Variants in COLEC12 observed in about 807,000 individuals in gnomAD.
COLEC12 encodes collectin subfamily member 12.
Under a neutral mutation model 71.1 loss-of-function variants are expected in COLEC12, and 33 were observed. The ratio of observed to expected loss-of-function variants is 0.46; its 90% CI spans 0.35 to 0.62. The LOEUF (loss-of-function observed/expected upper bound fraction) is 0.62, where lower values mean the gene tolerates loss of function less well. COLEC12 is among the 20% of genes least tolerant of loss of function. COLEC12 has a pLI of 0.00. For missense variants in COLEC12, 765 were observed against 916.1 expected, an observed-to-expected ratio of 0.84 and a Z score of 2.13; for synonymous variants, 350 against 353.0, an observed-to-expected ratio of 0.99 and a Z score of 0.10.
chr18:371,473 G>T (rs1217631118), intron 2 of COLEC12, among the ~76,000 whole-genome samples: 1 of 151,900 alleles, frequency 6.6e-6, no homozygotes, highest in Admixed American at 6.6e-5. Flanking sequence ...TCCAAGTGGA[G>T]CTGGAAAAGC....
chr18:352,390 T>C (rs1318222676), intron 3 of COLEC12, among the ~76,000 whole-genome samples: 3 of 152,200 alleles, frequency 2.0e-5, no homozygotes, highest in African/African-American at 7.2e-5. Flanking sequence ...TGACAGTCAG[T>C]CATTTTCTAC....
intron 2 of COLEC12, among the ~76,000 whole-genome samples, chr18:470,627 C>T (rs953721380): frequency 4.6e-5 from 7 of 151,890 alleles, no homozygotes; most frequent in Admixed American, 3.9e-4. Flanking sequence ...TGGTGATATA[C>T]GCCTGTATTC....
At position 346,917 on chromosome 18, in the gene COLEC12, C is replaced by T; in HGVS notation, c.705G>A (p.Gln235=). 6.2e-7 allele frequency: 1 copy of T among 1,614,174 alleles called. No individual in the cohort carries two copies. The highest frequency in any genetic ancestry group is 8.5e-7 in the Non-Finnish European group (1 of 1,180,006). ...GATTTTGAAAGTCGTTCTTGATTCG[C>T]TGGATAGCCTGGCTTGTGTCATCCA... The part of the protein sequence containing the change: ...RSVDDTSQAI[Q]RIKNDFQNLQ... The change falls in exon 5 of 10, where the codon CAG becomes CAA. Residue 235 remains glutamine, a synonymous_variant. Coordinates refer to ENST00000400256, the MANE Select transcript of COLEC12 (RefSeq NM_130386.3). This position sits in a 1 kb window ranked among gnomAD's most constrained non-coding sequence, Gnocchi z 4.0.
chr18:367,188 T>A (rs1406719436), intron 2 of COLEC12, among the ~76,000 whole-genome samples: 2 of 152,180 alleles, frequency 1.3e-5, no homozygotes, highest in Non-Finnish European at 2.9e-5. Flanking sequence ...TGGGGGCAGC[T>A]GAAGGACTAA....
chr18:347,744 A>G (rs2143476215), intron 4 of COLEC12, among the ~76,000 whole-genome samples: 1 of 152,360 alleles, frequency 6.6e-6, no homozygotes, highest in East Asian at 1.9e-4. Context: ...TGTAGTTTAA[A>G]GTATTTCAAA....
chr18:474,341 T>C (rs1313472178), intron 2 of COLEC12, among the ~76,000 whole-genome samples: 2 of 152,218 alleles, frequency 1.3e-5, no homozygotes, highest in African/African-American at 2.4e-5. Flanking sequence ...ATAATAGATA[T>C]CCACGAAGGA....
At chr18:322,162 G>T (rs1913721677) in intron 8 of COLEC12, among the ~76,000 whole-genome samples, 2 of 149,398 alleles carry the variant, frequency 1.3e-5, no homozygotes, top group South Asian at 2.2e-4. Flanking sequence ...GTATATATGT[G>T]TGTGAATATC....
intron 1 of COLEC12, among the ~76,000 whole-genome samples, chr18:493,033 T>A (rs964033326): frequency 6.6e-6 from 1 of 152,094 alleles, no homozygotes; most frequent in African/African-American, 2.4e-5. Flanking sequence ...CAAAACCCTG[T>A]CTCTACAAAA....
chr18:460,167 G>A (rs1916953019), intron 2 of COLEC12, among the ~76,000 whole-genome samples: 1 of 152,166 alleles, frequency 6.6e-6, no homozygotes, highest in South Asian at 2.1e-4. Flanking sequence ...TCAAACATAC[G>A]TGGAGTCCCC....
intron 2 of COLEC12, among the ~76,000 whole-genome samples, chr18:383,956 A>C (rs1052508585): frequency 5.3e-5 from 8 of 152,198 alleles, no homozygotes; most frequent in Non-Finnish European, 2.9e-5. Flanking sequence ...TCCCCTTATA[A>C]AACCATCAGA....
rs187883997 is a variant in COLEC12 at position 360,555 on chromosome 18, G to T, written c.59-3033C>A. On this transcript the variant is annotated intron_variant, in intron 2 of 9. Coordinates refer to ENST00000400256, the MANE Select transcript of COLEC12 (RefSeq NM_130386.3). ...TGCTGATGCTGATGCTGATGCTGCG[G>T]TCTGTGGACCACACTCAGGAACAAT... 9.8e-4 allele frequency among the ~76,000 whole-genome samples: 149 copies of T among 152,312 alleles called. 1 individual carries two copies. Among genetic ancestry groups the T allele is most frequent in the Middle Eastern group, 3.4e-3 (1 of 294 alleles).
intron 5 of COLEC12, among the ~76,000 whole-genome samples, chr18:336,450 C>A (rs1024344850): frequency 3.3e-5 from 5 of 152,094 alleles, no homozygotes; most frequent in Admixed American, 2.6e-4. Context: ...ACAAAGAGGC[C>A]CATGTAACAC....
rs150878145 is a variant in COLEC12 at position 480,532 on chromosome 18, G to A, written c.58+175C>T. 1.6e-3 allele frequency among the ~76,000 whole-genome samples: 247 copies of A among 152,166 alleles called. 1 individual carries two copies. The highest frequency in any genetic ancestry group is 5.8e-3 in the African/African-American group (240 of 41,504). On this transcript the variant is annotated intron_variant, in intron 2 of 9. Coordinates refer to ENST00000400256, the MANE Select transcript of COLEC12 (RefSeq NM_130386.3). The surrounding 1 kb of genome is among the most constrained non-coding windows in gnomAD (Gnocchi z 4.1). ...CTGTCCCATGGCCCCTCAGAATTGT[G>A]AGAAACCCTCCCCCTGGGACACAGA...
At chr18:424,748 T>C (rs1230392515) in intron 2 of COLEC12, among the ~76,000 whole-genome samples, 1 of 152,212 alleles carries the variant, frequency 6.6e-6, no homozygotes, top group Non-Finnish European at 1.5e-5. Flanking sequence ...GTCAATGTAC[T>C]GGCTCAACAA....
intron 6 of COLEC12, 49 bp downstream of exon 6, chr18:334,693 G>A (rs1409083205): frequency 4.2e-6 from 6 of 1,428,718 alleles, no homozygotes; most frequent in Non-Finnish European, 5.5e-6. Context: ...TCAGTCTCAA[G>A]CACATGCACT....
At chr18:369,385 C>CTTTTTT (rs55923005) in intron 2 of COLEC12, among the ~76,000 whole-genome samples, 3 of 136,182 alleles carry the variant, frequency 2.2e-5, no homozygotes, top group Non-Finnish European at 4.8e-5. Flanking sequence ...TGATACAGAT[C>CTTTTTT]TTTTTTTTTT....
At chr18:466,251 A>C (rs1470426338) in intron 2 of COLEC12, among the ~76,000 whole-genome samples, 2 of 152,058 alleles carry the variant, frequency 1.3e-5, no homozygotes, top group East Asian at 3.9e-4. Context: ...AAAAACAAAA[A>C]ACAAATAAAA....
In COLEC12 at chr18:500,402, C is replaced by A. The variant is rs986951139; in HGVS notation, c.7+106G>T. 2 of 811,848 alleles carry A rather than the reference C, an allele frequency of 2.5e-6. No individual in the cohort carries two copies. Among genetic ancestry groups the A allele is most frequent in the South Asian group, 6.0e-5 (1 of 16,680 alleles). The allele number at this position is 811,848 out of a possible 1,614,324, so 50.3% of individuals were successfully genotyped here. A position where few individuals can be genotyped will look rare whatever the true frequency, so the allele number is the denominator to read the frequency against. ...CCCTGGCAGCCCCGACTCCCCGGGCCCGCAGCCCAAGGGAAGGTTCGCGCG... is the reference window on the plus strand; with the variant it reads ...CCCTGGCAGCCCCGACTCCCCGGGCACGCAGCCCAAGGGAAGGTTCGCGCG... On this transcript the variant is annotated intron_variant, in intron 1 of 9. Transcript: ENST00000400256. The surrounding 1 kb of genome is among the most constrained non-coding windows in gnomAD (Gnocchi z 5.3).
At position 408,798 on chromosome 18, in the gene COLEC12, G is replaced by C. The variant is rs1462818123; in HGVS notation, c.59-51276C>G. ...AAATAGGATTGAACTGCCTAATTCA[G>C]AAATGATTGTGTACCATACTTATTT... is the stretch of plus-strand genomic sequence containing the variant. On this transcript the variant is annotated intron_variant, in intron 2 of 9. Transcript: ENST00000400256. This position sits in a 1 kb window ranked among gnomAD's most constrained non-coding sequence, Gnocchi z 4.3. Among the ~76,000 whole-genome samples the C allele has an allele frequency of 2.0e-5, 3 of 152,066 alleles. 1 individual carries two copies. Among genetic ancestry groups the C allele is most frequent in the Admixed American group, 2.0e-4 (3 of 15,266 alleles).
Sources: gnomAD v4.1 joint callset for allele counts (sites outside exome capture counted in the v4.1 genomes callset) on GRCh38, gnomAD v4.1.1 for gene constraint, Gnocchi (gnomAD v3.1) non-coding constraint, MANE v1.5 for transcripts, NCBI Gene and HGNC (gene_info 2026-07-23, HGNC 2026-07-21) for gene names.